The following SNTB2 variants were observed in gnomAD, a reference collection of about 807,000 sequenced individuals.
SNTB2 encodes the protein syntrophin beta 2.
In SNTB2, 34 loss-of-function variants were observed where a neutral mutation model predicts 46.2. The ratio of observed to expected loss-of-function variants is 0.74; its 90% CI spans 0.56 to 0.98. The LOEUF is 0.98. Among genes scored for constraint, SNTB2 ranks in the 50% least tolerant of loss-of-function variants. The pLI, the probability that SNTB2 is intolerant of heterozygous loss-of-function variation, is 0.00. For missense variants in SNTB2, 603 were observed against 731.4 expected, an observed-to-expected ratio of 0.82 and a Z score of 2.02; for synonymous variants, 290 against 312.6, an observed-to-expected ratio of 0.93 and a Z score of 0.76.
Position 69,292,378 on chromosome 16 carries a change from ATTATATATATAT to A in SNTB2, c.1346-7210_1346-7199del, listed in dbSNP as rs1231859337. ...TTTATATATATATATATATATATATATTATATATATATTATATATATATATATATTATATATA... is the reference window on the plus strand; with the variant it reads ...TTTATATATATATATATATATATATATATATATATATATATATTATATATA... On this transcript the variant is annotated intron_variant, in intron 5 of 6. Coordinates refer to ENST00000336278, the MANE Select transcript of SNTB2 (RefSeq NM_006750.4). Among the ~76,000 whole-genome samples the A allele has an allele frequency of 4.3e-4, 11 of 25,806 alleles. 1 individual carries two copies. Among genetic ancestry groups the A allele is most frequent in the African/African-American group, 1.9e-3 (11 of 5,818 alleles). 16.9% of individuals were successfully genotyped at this position (25,806 alleles called of 152,430 possible).
intron 1 of SNTB2, among the ~76,000 whole-genome samples, chr16:69,207,757 A>C (rs1964238564): frequency 6.6e-6 from 1 of 152,074 alleles, no homozygotes; most frequent in African/African-American, 2.4e-5. Flanking sequence ...CCTCCCATCC[A>C]AGTGTAGCCT....
At chr16:69,246,649 C>T (rs1203620722) in intron 2 of SNTB2, among the ~76,000 whole-genome samples, 3 of 142,274 alleles carry the variant, frequency 2.1e-5, no homozygotes, top group East Asian at 2.0e-4. Context: ...CCAGTTCCTC[C>T]TTGTACCTCT....
intron 2 of SNTB2, among the ~76,000 whole-genome samples, chr16:69,248,723 G>A (rs1393527154): frequency 6.6e-6 from 1 of 152,118 alleles, no homozygotes; most frequent in Non-Finnish European, 1.5e-5. Context: ...ACTTTGGGAG[G>A]CTGAGGCAGG....
chr16:69,264,847 G>A (rs923225318), intron 3 of SNTB2, among the ~76,000 whole-genome samples: 19 of 152,170 alleles, frequency 1.2e-4, no homozygotes, highest in Admixed American at 1.2e-3. Context: ...AAGAAAAAAA[G>A]AAAATCCAGT....
chr16:69,210,555 AC>A (rs1295765227), intron 1 of SNTB2, among the ~76,000 whole-genome samples: 1 of 150,374 alleles, frequency 6.7e-6, no homozygotes, highest in Non-Finnish European at 1.5e-5. Flanking sequence ...GTTTTTAGAG[AC>A]AGGCTCTTGC....
intron 1 of SNTB2, among the ~76,000 whole-genome samples, chr16:69,210,988 C>G (rs999441158): frequency 6.6e-6 from 1 of 152,116 alleles, no homozygotes; most frequent in Non-Finnish European, 1.5e-5. Flanking sequence ...GAGACTCCGT[C>G]TCAAAAATAT....
At chr16:69,253,925 A>G (rs1279706509) in intron 2 of SNTB2, among the ~76,000 whole-genome samples, 1 of 152,164 alleles carries the variant, frequency 6.6e-6, no homozygotes, top group African/African-American at 2.4e-5. Context: ...GAAGGTGAAC[A>G]TTCTGTGCCT....
chr16:69,255,573 AG>A (rs71148977), intron 2 of SNTB2, among the ~76,000 whole-genome samples: 33,855 of 147,830 alleles, frequency 0.23, 4,185 homozygotes, highest in African/African-American at 0.31. Context: ...AAAAAAAAAA[AG>A]AAAGAAAGAA....
intron 5 of SNTB2, among the ~76,000 whole-genome samples, chr16:69,296,142 G>A (rs1489704501): frequency 5.9e-5 from 9 of 151,570 alleles, no homozygotes; most frequent in Admixed American, 2.0e-4. Context: ...TTAGCCAGGC[G>A]TGGTGGCGCA....
At chr16:69,274,893 G>T (rs761923978) in intron 4 of SNTB2, among the ~76,000 whole-genome samples, 25 of 152,146 alleles carry the variant, frequency 1.6e-4, no homozygotes, top group Admixed American at 6.6e-4. Context: ...ATTCAAACAT[G>T]CTCATACATG....
At chr16:69,287,863 A>T (rs990025045) in intron 5 of SNTB2, among the ~76,000 whole-genome samples, 169 of 147,908 alleles carry the variant, frequency 1.1e-3, no homozygotes, top group Non-Finnish European at 2.0e-3. Context: ...TGTCTCAAAA[A>T]ATATATATAT....
chr16:69,219,289 C>A (rs1188661870), intron 1 of SNTB2, among the ~76,000 whole-genome samples: 1 of 152,136 alleles, frequency 6.6e-6, no homozygotes, highest in Non-Finnish European at 1.5e-5. Flanking sequence ...AGATCAGGAC[C>A]ATCAAGGGCC....
intron 4 of SNTB2, among the ~76,000 whole-genome samples, chr16:69,280,766 A>G (rs1464324134): frequency 2.0e-5 from 3 of 151,812 alleles, no homozygotes; most frequent in African/African-American, 7.2e-5. Context: ...GTGTTTTGCA[A>G]AATTTTTTTG....
chr16:69,195,444 T>A (rs76137656), intron 1 of SNTB2, among the ~76,000 whole-genome samples: 1 of 115,640 alleles, frequency 8.6e-6, no homozygotes, highest in African/African-American at 2.9e-5. Context: ...CTGGTTTGCA[T>A]TTTTTTTTTT....
chr16:69,235,906 T>G (rs555436416), intron 1 of SNTB2: 16 of 1,226,350 alleles, frequency 1.3e-5, no homozygotes, highest in African/African-American at 3.1e-5. Flanking sequence ...CCATTAGATA[T>G]ATATAGAATT....
chr16:69,217,561 T>C, intron 1 of SNTB2, among the ~76,000 whole-genome samples: 1 of 152,228 alleles, frequency 6.6e-6, no homozygotes, highest in Non-Finnish European at 1.5e-5. Flanking sequence ...AGCTGACTAC[T>C]TCAGTTTTTA....
chr16:69,280,721 T>A (rs1283487199), intron 4 of SNTB2, among the ~76,000 whole-genome samples: 1 of 152,144 alleles, frequency 6.6e-6, no homozygotes, highest in Non-Finnish European at 1.5e-5. Context: ...TAAGAGTTCT[T>A]TATATATTTT....
chr16:69,249,821 G>A (rs183180342), intron 2 of SNTB2, among the ~76,000 whole-genome samples: 8 of 152,210 alleles, frequency 5.3e-5, no homozygotes, highest in South Asian at 2.1e-4. Context: ...AAATTTGGCC[G>A]GGTGCAGTGG....
rs1394269916 is a variant in SNTB2 at position 69,292,370 on chromosome 16, ATATATATATTATATATATAT to A, written c.1346-7210_1346-7191del. Among the ~76,000 whole-genome samples the A allele has an allele frequency of 3.0e-4, 10 of 33,098 alleles. 1 individual carries two copies. The highest frequency in any genetic ancestry group is 1.0e-3 in the South Asian group (1 of 954). 21.7% of individuals were successfully genotyped at this position (33,098 alleles called of 152,430 possible). A position where few individuals can be genotyped will look rare whatever the true frequency, so the allele number is the denominator to read the frequency against. On this transcript the variant is annotated intron_variant, in intron 5 of 6. Transcript: ENST00000336278. ...CCTTATTTTTTATATATATATATATATATATATATTATATATATATTATATATATATATATATTATATATA... is the reference window on the plus strand; with the variant it reads ...CCTTATTTTTTATATATATATATATATATATATATATATATATTATATATA...
Sources: gnomAD v4.1 joint callset for allele counts (sites outside exome capture counted in the v4.1 genomes callset) on GRCh38, gnomAD v4.1.1 for gene constraint, MANE v1.5 for transcripts, NCBI Gene and HGNC (gene_info 2026-07-23, HGNC 2026-07-21) for gene names.